The following RNLS variants were observed in gnomAD, a reference collection of about 807,000 sequenced individuals.
RNLS encodes the protein renalase.
A neutral mutation model predicts 39.8 loss-of-function variants in RNLS; 39 were observed. The observed-to-expected ratio is 0.98, with a 90% CI of 0.76 to 1.28. The LOEUF (loss-of-function observed/expected upper bound fraction) is 1.28. Ranked by LOEUF, RNLS falls within the 50% of genes most tolerant of loss-of-function variation. The pLI is 0.00. For missense variants in RNLS, 410 were observed against 413.3 expected (o/e 0.99, Z 0.07); for synonymous variants, 147 against 150.7 (o/e 0.98, Z 0.18).
intron 6 of RNLS, among the ~76,000 whole-genome samples, chr10:88,303,082 AG>A (rs1844649037): frequency 6.6e-6 from 1 of 152,214 alleles, no homozygotes; most frequent in Non-Finnish European, 1.5e-5. Flanking sequence ...CAGTGGCTCC[AG>A]GGGAATGGGT....
intron 4 of RNLS, among the ~76,000 whole-genome samples, chr10:88,491,928 T>G (rs954970032): frequency 6.6e-6 from 1 of 150,764 alleles, no homozygotes; most frequent in Non-Finnish European, 1.5e-5. Context: ...CATAATATGT[T>G]AAAGGGTATT....
At chr10:88,351,181 C>T (rs937357508) in intron 5 of RNLS, among the ~76,000 whole-genome samples, 3 of 152,096 alleles carry the variant, frequency 2.0e-5, no homozygotes, top group African/African-American at 4.8e-5. Flanking sequence ...CTGTAGGTTG[C>T]CCATTCACTC....
chr10:88,502,657 C>T (rs1845571537), intron 4 of RNLS, among the ~76,000 whole-genome samples: 1 of 152,118 alleles, frequency 6.6e-6, no homozygotes, highest in Non-Finnish European at 1.5e-5. Flanking sequence ...CAGACTAAGA[C>T]AGGCTGGTAT....
intron 4 of RNLS, among the ~76,000 whole-genome samples, chr10:88,483,683 A>C (rs1487856513): frequency 6.6e-6 from 1 of 151,924 alleles, no homozygotes; most frequent in Non-Finnish European, 1.5e-5. Context: ...TTTTTTCTTG[A>C]CAATTTCTGG....
the RNLS span, among the ~76,000 whole-genome samples, chr10:88,185,839 T>C: frequency 6.6e-6 from 1 of 152,174 alleles, no homozygotes; most frequent in Non-Finnish European, 1.5e-5. Context: ...ATTAATGTCC[T>C]TTAAAATAAA....
rs770650097 is a variant in RNLS at position 88,391,811 on chromosome 10, A to G, written c.527-29086T>C. Among the ~76,000 whole-genome samples, 8 of 152,352 alleles carry G rather than the reference A, an allele frequency of 5.3e-5. No homozygotes were observed. The South Asian group carries it at 1.2e-3, about 24-fold the overall frequency. On this transcript the variant is annotated intron_variant, in intron 4 of 6. Coordinates refer to ENST00000331772, the MANE Select transcript of RNLS (RefSeq NM_001031709.3). ...AAATCAGGTAAGCTTTTATTTAAAA[A>G]AATGGCTGAATGTCAGTAAAAACTA...
the RNLS span, among the ~76,000 whole-genome samples, chr10:88,180,499 GC>G: frequency 6.6e-6 from 1 of 152,152 alleles, no homozygotes; most frequent in Non-Finnish European, 1.5e-5. Flanking sequence ...AGTTTTTGGT[GC>G]TTTAGGTTGG....
intron 4 of RNLS, among the ~76,000 whole-genome samples, chr10:88,452,050 G>C (rs1377622571): frequency 6.6e-6 from 1 of 152,162 alleles, no homozygotes; most frequent in African/African-American, 2.4e-5. Flanking sequence ...ATCCTCGTAA[G>C]GATTAAAAGA....
At chr10:88,548,774 T>C (rs1446068530) in intron 4 of RNLS, among the ~76,000 whole-genome samples, 3 of 150,586 alleles carry the variant, frequency 2.0e-5, no homozygotes, top group Non-Finnish European at 4.4e-5. Flanking sequence ...CTATGTATAA[T>C]AGAGTATATT....
chr10:88,546,687 A>T (rs1202957000), intron 4 of RNLS, among the ~76,000 whole-genome samples: 1 of 152,174 alleles, frequency 6.6e-6, no homozygotes, highest in African/African-American at 2.4e-5. Context: ...GAAATTTTGT[A>T]ATCTCATTCA....
chr10:88,582,932 C>T, intron 1 of RNLS, 141 bp downstream of exon 1: 8 of 990,090 alleles, frequency 8.1e-6, no homozygotes, highest in Non-Finnish European at 1.1e-5. Flanking sequence ...CCACTCGGCG[C>T]ATGGGCCGCG....
At chr10:88,438,010 C>T (rs994688500) in intron 4 of RNLS, among the ~76,000 whole-genome samples, 2 of 151,926 alleles carry the variant, frequency 1.3e-5, no homozygotes, top group African/African-American at 4.8e-5. Flanking sequence ...CCTGTAATCC[C>T]AGCTACTTGG....
chr10:88,448,604 G>C (rs1268108637), intron 4 of RNLS, among the ~76,000 whole-genome samples: 1 of 152,220 alleles, frequency 6.6e-6, no homozygotes, highest in Non-Finnish European at 1.5e-5. Flanking sequence ...ATTTCTTACA[G>C]ATCTAGAACT....
intron 6 of RNLS, among the ~76,000 whole-genome samples, chr10:88,311,692 T>C (rs1845394254): frequency 6.6e-6 from 1 of 152,202 alleles, no homozygotes; most frequent in Non-Finnish European, 1.5e-5. Context: ...CAGCAAATAT[T>C]AGTCTCTAGG....
intron 4 of RNLS, among the ~76,000 whole-genome samples, chr10:88,396,468 A>G (rs1377078131): frequency 2.0e-5 from 3 of 151,442 alleles, no homozygotes; most frequent in Non-Finnish European, 4.4e-5. Context: ...AAATAACTTT[A>G]AAAAATATAT....
At chr10:88,365,257 A>C (rs368454881) in intron 4 of RNLS, among the ~76,000 whole-genome samples, 1 of 131,834 alleles carries the variant, frequency 7.6e-6, no homozygotes. Context: ...GAGGCTTAAA[A>C]GTTTTTTATT....
the RNLS span, among the ~76,000 whole-genome samples, chr10:88,213,681 T>G: frequency 6.6e-6 from 1 of 152,254 alleles, no homozygotes; most frequent in Admixed American, 6.5e-5. Flanking sequence ...CAGAGCATAT[T>G]TAGATGTTTC....
chr10:88,229,987 T>C, the RNLS span, among the ~76,000 whole-genome samples: 1 of 152,212 alleles, frequency 6.6e-6, no homozygotes, highest in African/African-American at 2.4e-5. Flanking sequence ...TTATGCCTAA[T>C]ACAATCCCTG....
At chr10:88,574,667 T>C (rs55834089) in intron 3 of RNLS, among the ~76,000 whole-genome samples, 2,866 of 152,246 alleles carry the variant, frequency 0.019, 80 homozygotes, top group South Asian at 0.07. Context: ...AGAAGAAACA[T>C]AGTTCTAGCT....
Sources: allele counts gnomAD v4.1 joint callset (sites outside exome capture counted in the v4.1 genomes callset), GRCh38; gene constraint gnomAD v4.1.1; transcripts MANE v1.5; gene names NCBI Gene and HGNC (gene_info 2026-07-23, HGNC 2026-07-21).